Variants in NBPF8 observed in about 807,000 individuals in gnomAD.
NBPF8 encodes the protein NBPF member 8.
downstream of NBPF8, among the ~76,000 whole-genome samples, chr1:120,467,963 C>CT (rs1570948957): frequency 4.6e-4 from 69 of 151,136 alleles, no homozygotes; most frequent in East Asian, 0.01. Flanking sequence ...TGTGTGTGTG[C>CT]GTGTGTGTGT....
intron 3 of NBPF8, among the ~76,000 whole-genome samples, chr1:120,428,690 G>C (rs1377075154): frequency 1.3e-5 from 2 of 151,864 alleles, no homozygotes; most frequent in Non-Finnish European, 2.9e-5. Flanking sequence ...GCGGTCTGTG[G>C]TTCTCTGTGA....
downstream of NBPF8, among the ~76,000 whole-genome samples, chr1:120,468,899 GA>G (rs1234544025): frequency 6.6e-6 from 1 of 151,816 alleles, no homozygotes; most frequent in Non-Finnish European, 1.5e-5. Flanking sequence ...CCTGGCTAAA[GA>G]AAATCACCTG....
chr1:120,465,512 C>A (rs1202704155), intron 24 of NBPF8, 141 bp downstream of exon 22: 2 of 483,846 alleles, frequency 4.1e-6, no homozygotes, highest in South Asian at 2.0e-5. Context: ...GTTTTCATTG[C>A]AGTAGATGTT....
At chr1:120,454,390 G>A (rs1553249435) in intron 15 of NBPF8, among the ~76,000 whole-genome samples, 2 of 151,790 alleles carry the variant, frequency 1.3e-5, no homozygotes, top group Non-Finnish European at 2.9e-5. Context: ...TCCTAGCTTC[G>A]ATTCAGTATC....
intron 3 of NBPF8, among the ~76,000 whole-genome samples, chr1:120,431,206 T>C (rs1246446409): frequency 6.8e-6 from 1 of 147,228 alleles, no homozygotes; most frequent in Non-Finnish European, 1.5e-5. Context: ...TATGTCTAAT[T>C]GATTCTTAGG....
At chr1:120,435,787 A>T (rs1348124821), upstream of NBPF8, among the ~76,000 whole-genome samples, 2 of 151,708 alleles carry the variant, frequency 1.3e-5, no homozygotes, top group Non-Finnish European at 2.9e-5. Context: ...AATAGCGTGA[A>T]CCTGGGAGGC....
exon 18 of NBPF8, chr1:120,460,593 A>C: frequency 6.9e-7 from 1 of 1,448,450 alleles, no homozygotes; most frequent in South Asian, 1.1e-5. Flanking sequence ...GGATCAAGTG[A>C]AAAAGGAGGA....
At position 120,462,294 on chromosome 1, in the gene NBPF8, C is replaced by A. The variant is rs1309008467; in HGVS notation, n.3061+97C>A. On this transcript the variant is annotated intron_variant and non_coding_transcript_variant, in intron 20 of 24. Transcript: ENST00000583271. Reference sequence around the variant, plus strand: ...AGTGTGTTCAATTTCATGTTTTCAACGAAGGTTGAAATACTCCTCCTGACA... The same window carrying A: ...AGTGTGTTCAATTTCATGTTTTCAAAGAAGGTTGAAATACTCCTCCTGACA... 6.0e-6 allele frequency: 4 copies of A among 669,196 alleles called. 1 individual carries two copies. The highest frequency in any genetic ancestry group is 8.0e-6 in the Non-Finnish European group (3 of 376,470). 41.5% of individuals were successfully genotyped at this position (669,196 alleles called of 1,614,324 possible).
At chr1:120,431,220 T>G (rs1348358542) in intron 3 of NBPF8, among the ~76,000 whole-genome samples, 1 of 137,332 alleles carries the variant, frequency 7.3e-6, no homozygotes, top group Non-Finnish European at 1.5e-5. Flanking sequence ...TCTTAGGACA[T>G]ATATATATGT....
intron 12 of NBPF8, 139 bp from the exon 11 acceptor site, chr1:120,451,978 C>CAG (rs1661287633): frequency 1.0e-6 from 1 of 979,274 alleles, no homozygotes; most frequent in African/African-American, 1.6e-5. Flanking sequence ...CTCTTGGCCA[C>CAG]AGACATTCCT....
At chr1:120,428,734 C>T (rs1239562397) in intron 3 of NBPF8, among the ~76,000 whole-genome samples, 2 of 149,440 alleles carry the variant, frequency 1.3e-5, no homozygotes, top group African/African-American at 5.0e-5. Context: ...GTTCCCTCAG[C>T]CTGTCAGTCT....
upstream of NBPF8, among the ~76,000 whole-genome samples, chr1:120,418,863 A>T (rs1425551156): frequency 5.9e-5 from 9 of 151,566 alleles, no homozygotes; most frequent in African/African-American, 1.5e-4. Context: ...AGTTTTAATA[A>T]TTTTTATGTT....
intron 16 of NBPF8, among the ~76,000 whole-genome samples, chr1:120,456,620 A>G (rs1338946073): frequency 7.3e-6 from 1 of 136,958 alleles, no homozygotes; most frequent in Non-Finnish European, 1.5e-5. Context: ...TGCTTGGTAG[A>G]TCTTCCTCCA....
exon 1 of NBPF8, chr1:120,436,596 G>A (rs201165410): frequency 5.0e-5 from 81 of 1,605,652 alleles, no homozygotes; most frequent in South Asian, 1.3e-4. Flanking sequence ...GAGAAATTGC[G>A]CCCCCAGTTG....
At chr1:120,467,990 C>T (rs1399710285), downstream of NBPF8, among the ~76,000 whole-genome samples, 1 of 151,410 alleles carries the variant, frequency 6.6e-6, no homozygotes, top group African/African-American at 2.4e-5. Flanking sequence ...GTGCCTTTGG[C>T]ATTTAGGAAG....
At chr1:120,436,606 G>A in exon 1 of NBPF8, 1 of 1,606,830 alleles carries the variant, frequency 6.2e-7, no homozygotes. Flanking sequence ...GCCCCCAGTT[G>A]GCAGAGAACA....
chr1:120,415,471 C>A (rs1182317453), upstream of NBPF8, among the ~76,000 whole-genome samples: 1 of 152,146 alleles, frequency 6.6e-6, no homozygotes, highest in African/African-American at 2.4e-5. Context: ...CGCTGCCGCC[C>A]GCAGCCCTCA....
At chr1:120,441,523 G>A in intron 5 of NBPF8, 34 bp downstream of exon 8, 1 of 502,012 alleles carries the variant, frequency 2.0e-6, no homozygotes, top group Non-Finnish European at 3.3e-6. Context: ...TCATACCTCT[G>A]TCTAGGCTAT....
At chr1:120,461,285 C>T in exon 19 of NBPF8, 2 of 703,368 alleles carry the variant, frequency 2.8e-6, no homozygotes, top group East Asian at 5.8e-5. Flanking sequence ...TGAGAAAGGG[C>T]CTGAAGTCTT....
Sources: allele counts gnomAD v4.1 joint callset (sites outside exome capture counted in the v4.1 genomes callset), GRCh38; gene constraint gnomAD v4.1.1; transcripts MANE v1.5; gene names NCBI Gene and HGNC (gene_info 2026-07-23, HGNC 2026-07-21).